The following GRAMD2B variants were observed in gnomAD, a reference collection of about 807,000 sequenced individuals.
GRAMD2B encodes GRAM domain containing 2B.
In GRAMD2B, 41 loss-of-function variants were observed where a neutral mutation model predicts 59.2. The observed-to-expected ratio is 0.69, with a 90% confidence interval of 0.54 to 0.90. GRAMD2B has a LOEUF of 0.90. GRAMD2B is among the 40% of genes least tolerant of loss of function. GRAMD2B has a pLI of 0.00. For missense variants in GRAMD2B, 424 were observed against 500.5 expected, an observed-to-expected ratio of 0.85 and a Z score of 1.46; for synonymous variants, 161 against 182.7, an observed-to-expected ratio of 0.88 and a Z score of 0.96.
upstream of GRAMD2B, among the ~76,000 whole-genome samples, chr5:126,421,451 C>T (rs1466117448): frequency 2.6e-5 from 4 of 152,182 alleles, no homozygotes; most frequent in African/African-American, 9.6e-5. Flanking sequence ...GGAATGTCCC[C>T]AGGAAGAGGC....
Position 126,488,845 on chromosome 5 carries a change from G to A in GRAMD2B, c.1210G>A (p.Glu404Lys). ...GAGGTCACAAGTACAATTCAATGTG[G>A]AGGTTCTCTGTCAAGAGCTTACAGC... ...GLRSQVQFNV[E>K]VLCQELTANI... Residue 404 changes from glutamate to lysine, a missense_variant, in exon 13 of 14, where the codon GAG becomes AAG. Coordinates refer to ENST00000285689, the MANE Select transcript of GRAMD2B (RefSeq NM_023927.4). 6.2e-7 allele frequency: 1 copy of A among 1,613,892 alleles called. No individual in the cohort carries two copies. Among genetic ancestry groups the A allele is most frequent in the South Asian group, 1.1e-5 (1 of 91,074 alleles).
At chr5:126,427,713 A>G (rs1376454468) in intron 1 of GRAMD2B, among the ~76,000 whole-genome samples, 1 of 152,246 alleles carries the variant, frequency 6.6e-6, no homozygotes, top group Admixed American at 6.5e-5. Flanking sequence ...TAAACTATCC[A>G]TCTTTGTGCA....
At position 126,485,765 on chromosome 5, in the gene GRAMD2B, T is replaced by C. The variant is rs766621129; in HGVS notation, c.1050T>C (p.Tyr350=). 26 of 1,592,848 alleles carry C rather than the reference T, an allele frequency of 1.6e-5. No homozygotes were observed. Among genetic ancestry groups the C allele is most frequent in the Non-Finnish European group, 2.1e-5 (24 of 1,163,742 alleles). ...TGCTTCACCATATTCTTATATTCTA[T>C]GCAATTGTGTAAGTACATGAATTTA... ...CPMLHHILIF[Y]AIVVCALIIS... is the part of the protein sequence containing the mutation. Residue 350 remains tyrosine, a synonymous_variant, in exon 11 of 14, where the codon TAT becomes TAC. Coordinates refer to ENST00000285689, the MANE Select transcript of GRAMD2B (RefSeq NM_023927.4).
chr5:126,380,328 G>A (rs1199795103), intron 1 of GRAMD2B, among the ~76,000 whole-genome samples: 9 of 152,144 alleles, frequency 5.9e-5, no homozygotes, highest in Non-Finnish European at 1.3e-4. Context: ...ATAGTTTGAA[G>A]TCAGGTAATG....
intron 1 of GRAMD2B, among the ~76,000 whole-genome samples, chr5:126,442,583 C>T (rs1054909223): frequency 6.6e-6 from 1 of 152,096 alleles, no homozygotes; most frequent in Non-Finnish European, 1.5e-5. Context: ...TGAGCGACCG[C>T]GCCTGGCCTA....
chr5:126,488,178 A>G (rs943491579), intron 12 of GRAMD2B, among the ~76,000 whole-genome samples: 1 of 152,186 alleles, frequency 6.6e-6, no homozygotes, highest in Non-Finnish European at 1.5e-5. Flanking sequence ...AGCCTAATAA[A>G]CAGTTTGGTA....
chr5:126,405,337 T>C (rs915198239), intron 1 of GRAMD2B, among the ~76,000 whole-genome samples: 1 of 151,924 alleles, frequency 6.6e-6, no homozygotes, highest in Non-Finnish European at 1.5e-5. Flanking sequence ...CCAGAGATAG[T>C]ACATTGTGGG....
At chr5:126,403,846 A>G (rs1188032992) in intron 1 of GRAMD2B, among the ~76,000 whole-genome samples, 2 of 151,914 alleles carry the variant, frequency 1.3e-5, no homozygotes, top group African/African-American at 4.8e-5. Flanking sequence ...AGTTCTGCTA[A>G]TAAGGAAGAG....
chr5:126,375,196 C>A (rs992914434), intron 1 of GRAMD2B, among the ~76,000 whole-genome samples: 1 of 151,882 alleles, frequency 6.6e-6, no homozygotes, highest in African/African-American at 2.4e-5. Context: ...ATTGTATTTT[C>A]TTTTGTCAAT....
chr5:126,385,733 T>A (rs961544907), intron 1 of GRAMD2B, among the ~76,000 whole-genome samples: 14 of 152,156 alleles, frequency 9.2e-5, no homozygotes, highest in Admixed American at 3.3e-4. Flanking sequence ...AAGACAGGCA[T>A]TAAAGAGGAT....
intron 3 of GRAMD2B, among the ~76,000 whole-genome samples, chr5:126,470,581 CAG>C (rs1039127949): frequency 1.1e-4 from 16 of 151,456 alleles, no homozygotes; most frequent in Non-Finnish European, 2.4e-4. Flanking sequence ...TTTTTCAAGG[CAG>C]AGTCTTGCTC....
intron 2 of GRAMD2B, among the ~76,000 whole-genome samples, chr5:126,468,512 G>C (rs1561571794): frequency 6.6e-6 from 1 of 151,804 alleles, no homozygotes; most frequent in Admixed American, 6.6e-5. Context: ...TTTTGAGACA[G>C]AATATTGCTC....
intron 1 of GRAMD2B, among the ~76,000 whole-genome samples, chr5:126,400,280 T>C (rs1014165627): frequency 3.9e-5 from 6 of 152,064 alleles, no homozygotes; most frequent in Non-Finnish European, 4.4e-5. Flanking sequence ...CTTATAATTA[T>C]GTTATAACAG....
intron 1 of GRAMD2B, among the ~76,000 whole-genome samples, chr5:126,374,419 C>T (rs1290458771): frequency 6.6e-6 from 1 of 152,094 alleles, no homozygotes; most frequent in Non-Finnish European, 1.5e-5. Context: ...AGGTCACTAT[C>T]GTTTTCTTCT....
chr5:126,413,864 GCTA>G (rs1759039710), intron 1 of GRAMD2B, among the ~76,000 whole-genome samples: 1 of 152,086 alleles, frequency 6.6e-6, no homozygotes, highest in African/African-American at 2.4e-5. Flanking sequence ...TAAAACAGTT[GCTA>G]CTACTATTCC....
At chr5:126,369,808 A>G (rs138246210), upstream of GRAMD2B, among the ~76,000 whole-genome samples, 9 of 152,338 alleles carry the variant, frequency 5.9e-5, no homozygotes, top group East Asian at 1.5e-3. Context: ...ACAGAGAGTA[A>G]CAGACTACAT....
rs192743538 is a variant in GRAMD2B, at chr5:126,448,262, C to G, written c.84-17164C>G. 9.2e-5 allele frequency among the ~76,000 whole-genome samples: 14 copies of G among 152,106 alleles called. No individual in the cohort carries two copies. The East Asian group carries it at 2.7e-3, about 29-fold the overall frequency. On this transcript the variant is annotated intron_variant, in intron 1 of 13. Coordinates refer to ENST00000285689, the MANE Select transcript of GRAMD2B (RefSeq NM_023927.4). Reference sequence around the variant, plus strand: ...AGAAGAAGAGGTCAGTCCTTAGGACCTAGAGGGGGTTGGGGAAGTTGCCAG... The same window carrying G: ...AGAAGAAGAGGTCAGTCCTTAGGACGTAGAGGGGGTTGGGGAAGTTGCCAG...
upstream of GRAMD2B, among the ~76,000 whole-genome samples, chr5:126,419,079 CAT>C (rs1245230598): frequency 6.6e-6 from 1 of 152,200 alleles, no homozygotes; most frequent in East Asian, 1.9e-4. Flanking sequence ...TACCCCACCA[CAT>C]GTTTTAAGTT....
chr5:126,367,830 C>A (rs191082246), upstream of GRAMD2B, among the ~76,000 whole-genome samples: 223 of 152,304 alleles, frequency 1.5e-3, no homozygotes, highest in Middle Eastern at 3.4e-3. Flanking sequence ...CGGCTCACTG[C>A]GAGCTCCACC....
Sources: gnomAD v4.1 joint callset for allele counts (sites outside exome capture counted in the v4.1 genomes callset) on GRCh38, gnomAD v4.1.1 for gene constraint, MANE v1.5 for transcripts, NCBI Gene and HGNC (gene_info 2026-07-23, HGNC 2026-07-21) for gene names.